The following RNF130 variants were observed in gnomAD, a reference collection of about 807,000 sequenced individuals.
RNF130 encodes the protein ring finger protein 130.
In RNF130, 21 loss-of-function variants were observed where a neutral mutation model predicts 44.6. The ratio of observed to expected loss-of-function variants is 0.47; its 90% CI spans 0.33 to 0.68. The LOEUF (loss-of-function observed/expected upper bound fraction) is 0.68, where lower values mean the gene tolerates loss of function less well. Ranked by LOEUF, RNF130 falls within the 30% of genes least tolerant of loss-of-function variation. The pLI is 0.02. For synonymous variants in RNF130, 214 were observed against 210.4 expected (o/e 1.02, Z -0.15); for missense variants, 479 against 560.6 (o/e 0.85, Z 1.47).
Position 180,071,675 on chromosome 5 carries a change from C to A in RNF130, c.28G>T (p.Ala10Ser), listed in dbSNP as rs764648968. 7.1e-6 allele frequency: 10 copies of A among 1,411,830 alleles called. No homozygotes were observed. Among genetic ancestry groups the A allele is most frequent in the African/African-American group, 3.0e-5 (2 of 67,238 alleles). 87.5% of individuals were successfully genotyped at this position (1,411,830 alleles called of 1,614,324 possible). Residue 10 changes from alanine to serine, a missense_variant, in exon 1 of 9, where the codon GCC becomes TCC. Physicochemically the swap from Ala to Ser is moderately conservative, Grantham distance 99. Coordinates refer to ENST00000521389, the MANE Select transcript of RNF130 (RefSeq NM_018434.6). ...AGCAGGGCGAGCGCGGCGAGCCGGGCAGGGCCCGCCCGCCCCGCGCAGCTC... is the reference window on the plus strand; with the variant it reads ...AGCAGGGCGAGCGCGGCGAGCCGGGAAGGGCCCGCCCGCCCCGCGCAGCTC... MSCAGRAGP[A>S]RLAALALLTC...
chr5:179,937,911 T>A (rs1195618371), intron 7 of RNF130, among the ~76,000 whole-genome samples: 5 of 123,544 alleles, frequency 4.0e-5, no homozygotes, highest in Non-Finnish European at 8.1e-5. Flanking sequence ...AATCTGTGTG[T>A]GTGTGTGTGT....
chr5:179,960,027 A>G lies in RNF130; in HGVS notation c.1244+3444T>C, dbSNP rs144232353. ...CCACTAAACTTCAAATCTCTACTAC[A>G]CATTTGTATATGTTCCTCAAATAAA... On this transcript the variant is annotated intron_variant, in intron 8 of 8. Coordinates refer to ENST00000521389, the MANE Select transcript of RNF130 (RefSeq NM_018434.6). 3.7e-3 allele frequency among the ~76,000 whole-genome samples: 567 copies of G among 152,244 alleles called. 6 individuals carry two copies. The highest frequency in any genetic ancestry group is 0.013 in the African/African-American group (539 of 41,540).
chr5:180,063,276 C>T (rs1333160349), intron 1 of RNF130, among the ~76,000 whole-genome samples: 1 of 152,090 alleles, frequency 6.6e-6, no homozygotes, highest in Admixed American at 6.5e-5. Context: ...TGAACTAAGG[C>T]GGCAGCCGTG....
intron 7 of RNF130, among the ~76,000 whole-genome samples, chr5:179,936,344 C>T (rs1028678959): frequency 6.6e-6 from 1 of 152,140 alleles, no homozygotes; most frequent in African/African-American, 2.4e-5. Flanking sequence ...TCAAGTGATC[C>T]TCCTGCCTCA....
chr5:179,924,950 C>T (rs1180551327), intron 7 of RNF130, among the ~76,000 whole-genome samples: 2 of 152,140 alleles, frequency 1.3e-5, no homozygotes, highest in East Asian at 1.9e-4. Flanking sequence ...CACAATCCAA[C>T]AGCACTAAGG....
chr5:179,985,306 T>C (rs936768685), intron 3 of RNF130, among the ~76,000 whole-genome samples: 2 of 152,072 alleles, frequency 1.3e-5, no homozygotes, highest in Non-Finnish European at 2.9e-5. Context: ...GCATTTCCTA[T>C]AATAATAATG....
At chr5:179,953,341 C>T (rs1762155101), downstream of RNF130, among the ~76,000 whole-genome samples, 8 of 148,804 alleles carry the variant, frequency 5.4e-5, no homozygotes, top group Admixed American at 4.0e-4. Flanking sequence ...GAAGTTGATT[C>T]TAAAATTCAT....
chr5:180,002,550 C>T (rs1763367462), intron 3 of RNF130, among the ~76,000 whole-genome samples: 1 of 152,154 alleles, frequency 6.6e-6, no homozygotes, highest in African/African-American at 2.4e-5. Flanking sequence ...GCCGGGTGGA[C>T]TCAGCTGGGC....
intron 7 of RNF130, among the ~76,000 whole-genome samples, chr5:179,931,657 C>A (rs1761809943): frequency 6.6e-6 from 1 of 152,074 alleles, no homozygotes; most frequent in Non-Finnish European, 1.5e-5. Context: ...TAATCCCAAT[C>A]CCAGCTACTC....
At chr5:179,947,052 G>A (rs1762053086) in intron 7 of RNF130, among the ~76,000 whole-genome samples, 1 of 152,138 alleles carries the variant, frequency 6.6e-6, no homozygotes, top group Non-Finnish European at 1.5e-5. Context: ...AGTGCACACT[G>A]ACGCAACCCT....
At chr5:180,069,473 G>A (rs888334528) in intron 1 of RNF130, among the ~76,000 whole-genome samples, 3 of 151,992 alleles carry the variant, frequency 2.0e-5, no homozygotes, top group Non-Finnish European at 4.4e-5. Flanking sequence ...TGACCCCTAG[G>A]GAATCAAGGA....
At chr5:179,959,969 A>G (rs1762290973) in intron 8 of RNF130, among the ~76,000 whole-genome samples, 2 of 152,234 alleles carry the variant, frequency 1.3e-5, no homozygotes, top group African/African-American at 2.4e-5. Context: ...CAGCAATGGG[A>G]AAAGGGCTCT....
chr5:179,924,436 G>T lies in RNF130; in HGVS notation c.1151-4010C>A, dbSNP rs538298940. 2.1e-4 allele frequency among the ~76,000 whole-genome samples: 32 copies of T among 151,424 alleles called. 1 individual carries two copies. Among genetic ancestry groups the T allele is most frequent in the African/African-American group, 6.6e-4 (27 of 41,198 alleles). ...CTTGAACCCAGGAGGCGGAGGTTGC[G>T]GTGAGCTGAGATTGTGCCATTGCAC... On this transcript the variant is annotated intron_variant, in intron 7 of 7. Transcript: ENST00000522208.
intron 2 of RNF130, among the ~76,000 whole-genome samples, chr5:180,020,534 G>A (rs1411210605): frequency 6.6e-6 from 1 of 152,200 alleles, no homozygotes; most frequent in African/African-American, 2.4e-5. Context: ...GCCACTGAGT[G>A]GTAGTCACTC....
chr5:179,939,649 A>G, intron 7 of RNF130: 2 of 463,268 alleles, frequency 4.3e-6, no homozygotes, highest in Admixed American at 2.5e-5. Context: ...AAGAGAATGA[A>G]GTGAGGCCCT....
chr5:179,929,993 G>T (rs766563477), intron 7 of RNF130, among the ~76,000 whole-genome samples: 3 of 151,990 alleles, frequency 2.0e-5, no homozygotes, highest in African/African-American at 7.3e-5. Context: ...ATATTCCTCA[G>T]TATGATGTTT....
At chr5:179,989,203 T>A (rs1219790525) in intron 3 of RNF130, among the ~76,000 whole-genome samples, 5 of 152,212 alleles carry the variant, frequency 3.3e-5, no homozygotes, top group African/African-American at 9.6e-5. Flanking sequence ...GAACTCACTC[T>A]CTATCACGAG....
chr5:180,026,877 C>T (rs1764002513), intron 2 of RNF130, among the ~76,000 whole-genome samples: 5 of 152,176 alleles, frequency 3.3e-5, no homozygotes. Context: ...CTGCATGAAA[C>T]CCTGGGCTTT....
At chr5:180,022,103 T>C (rs1763888178) in intron 2 of RNF130, among the ~76,000 whole-genome samples, 1 of 152,234 alleles carries the variant, frequency 6.6e-6, no homozygotes. Context: ...CTCTTTTCAG[T>C]GTACACCACC....
Sources: allele counts gnomAD v4.1 joint callset (sites outside exome capture counted in the v4.1 genomes callset), GRCh38; gene constraint gnomAD v4.1.1; transcripts MANE v1.5; gene names NCBI Gene and HGNC (gene_info 2026-07-23, HGNC 2026-07-21).